The following PRKAG2 variants were observed in gnomAD, a reference collection of about 807,000 sequenced individuals.
PRKAG2 encodes the protein protein kinase AMP-activated non-catalytic subunit gamma 2, also known as 5'-AMP-activated protein kinase subunit gamma-2.
PRKAG2 carries 26 observed loss-of-function variants against 69.6 expected under a neutral mutation model. The ratio of observed to expected loss-of-function variants is 0.37; its 90% CI spans 0.27 to 0.52. The LOEUF (loss-of-function observed/expected upper bound fraction) is 0.52. Among genes scored for constraint, PRKAG2 ranks in the 20% least tolerant of loss-of-function variants. PRKAG2 has a pLI of 0.90. For missense variants in PRKAG2, 557 were observed against 740.0 expected (o/e 0.75, Z 2.87); for synonymous variants, 293 against 285.0 (o/e 1.03, Z -0.28).
At chr7:151,768,920 C>T (rs1283443436) in intron 3 of PRKAG2, among the ~76,000 whole-genome samples, 1 of 152,250 alleles carries the variant, frequency 6.6e-6, no homozygotes, top group East Asian at 1.9e-4. Context: ...TTCTTACCCA[C>T]TCCTAATCCA....
intron 4 of PRKAG2, among the ~76,000 whole-genome samples, chr7:151,653,474 T>C (rs76821171): frequency 1.8e-3 from 267 of 152,292 alleles, no homozygotes; most frequent in African/African-American, 6.0e-3. Flanking sequence ...CTCAGGCTAC[T>C]AGAATCCAAA....
chr7:151,572,075 C>A (rs1309514642), intron 9 of PRKAG2, among the ~76,000 whole-genome samples: 2 of 152,138 alleles, frequency 1.3e-5, no homozygotes, highest in Admixed American at 6.5e-5. Flanking sequence ...TCATGAAATG[C>A]GAATTTAAGA....
At chr7:151,867,376 G>A (rs1030213782) in intron 1 of PRKAG2, among the ~76,000 whole-genome samples, 18 of 152,164 alleles carry the variant, frequency 1.2e-4, no homozygotes, top group South Asian at 4.1e-4. Context: ...CACGCCCTCC[G>A]AAACCTCCGG....
intron 4 of PRKAG2, among the ~76,000 whole-genome samples, chr7:151,668,700 C>A (rs1245758215): frequency 6.6e-6 from 1 of 152,232 alleles, no homozygotes; most frequent in African/African-American, 2.4e-5. Flanking sequence ...GGGCAATTTA[C>A]AGCACCAATC....
At chr7:151,713,968 C>CA (rs1371480416) in intron 3 of PRKAG2, among the ~76,000 whole-genome samples, 1 of 152,146 alleles carries the variant, frequency 6.6e-6, no homozygotes, top group Non-Finnish European at 1.5e-5. Context: ...CACCCCAGAT[C>CA]AAATATATCA....
At chr7:151,633,214 A>C (rs1825115985) in intron 4 of PRKAG2, 1 of 152,142 alleles carries the variant, frequency 6.6e-6, no homozygotes. Context: ...CCAATCCCTA[A>C]GTCTTAAACC....
chr7:151,717,932 G>A (rs1796425071), intron 3 of PRKAG2, among the ~76,000 whole-genome samples: 1 of 152,200 alleles, frequency 6.6e-6, no homozygotes, highest in African/African-American at 2.4e-5. Context: ...GTAGGTGCTT[G>A]TCATTCTTTC....
chr7:151,720,825 GA>G (rs1796960683), intron 3 of PRKAG2, among the ~76,000 whole-genome samples: 1 of 140,758 alleles, frequency 7.1e-6, no homozygotes, highest in Admixed American at 7.2e-5. Context: ...GTTTGGAGGG[GA>G]TAGAGGGGAC....
rs1244610793 is a variant in PRKAG2, at chr7:151,728,411, A to C, written c.466+52741T>G. On this transcript the variant is annotated intron_variant, in intron 3 of 15. Coordinates refer to ENST00000287878, the MANE Select transcript of PRKAG2 (RefSeq NM_016203.4). ...TTGGGTGCCAAGGCTCCCTGGACCCACGCACAAGCCCTGAGTGAGGTCCTG... is the reference window on the plus strand; with the variant it reads ...TTGGGTGCCAAGGCTCCCTGGACCCCCGCACAAGCCCTGAGTGAGGTCCTG... Among the ~76,000 whole-genome samples, 7 of 152,220 alleles carry C rather than the reference A, an allele frequency of 4.6e-5. No homozygotes were observed. The East Asian group carries it at 1.2e-3, about 25-fold the overall frequency.
Position 151,567,120 on chromosome 7 carries a change from C to T in PRKAG2, c.1234-1235G>A, listed in dbSNP as rs979624512. On this transcript the variant is annotated intron_variant, in intron 11 of 15. Coordinates refer to ENST00000287878, the MANE Select transcript of PRKAG2 (RefSeq NM_016203.4). The surrounding 1 kb of genome is among the most constrained non-coding windows in gnomAD (Gnocchi z 4.2). The stretch of plus-strand genomic sequence containing the variant: ...TGGGCTTGGGAGTCAGAGAGACTCC[C>T]GGGTTTGCAATCTACCACTTAGTAT... 5.9e-5 allele frequency among the ~76,000 whole-genome samples: 9 copies of T among 152,140 alleles called. No individual in the cohort carries two copies. The highest frequency in any genetic ancestry group is 3.9e-4 in the Admixed American group (6 of 15,274).
chr7:151,744,908 A>AGG (rs1435044178), intron 3 of PRKAG2, among the ~76,000 whole-genome samples: 59 of 152,208 alleles, frequency 3.9e-4, no homozygotes, highest in Non-Finnish European at 1.0e-4. Context: ...CATTCTTCTC[A>AGG]ACCATGCTGT....
Position 151,814,475 on chromosome 7 carries a change from G to A in PRKAG2, c.115-27934C>T. The A allele has an allele frequency of 8.1e-7, 1 of 1,230,630 alleles. No individual in the cohort carries two copies. The highest frequency in any genetic ancestry group is 1.0e-6 in the Non-Finnish European group (1 of 987,820). The allele number at this position is 1,230,630 out of a possible 1,614,324, so 76.2% of individuals were successfully genotyped here. On this transcript the variant is annotated intron_variant, in intron 1 of 15. Coordinates refer to ENST00000287878, the MANE Select transcript of PRKAG2 (RefSeq NM_016203.4). The surrounding 1 kb of genome is among the most constrained non-coding windows in gnomAD (Gnocchi z 4.8). The stretch of plus-strand genomic sequence containing the variant: ...AGATGCTAATAAGCAGTGCAGGCTT[G>A]TAAGCTGCTGGATGGCAGGATGCGA...
intron 6 of PRKAG2, among the ~76,000 whole-genome samples, chr7:151,588,754 C>T (rs1296617471): frequency 6.6e-6 from 1 of 152,178 alleles, no homozygotes; most frequent in Non-Finnish European, 1.5e-5. Context: ...TTGCCTTCCA[C>T]CATGATTGTG....
chr7:151,691,545 G>C (rs968793257), intron 3 of PRKAG2, among the ~76,000 whole-genome samples: 3 of 148,674 alleles, frequency 2.0e-5, no homozygotes, highest in African/African-American at 7.4e-5. Context: ...AAGATATACA[G>C]ATGACAAATA....
chr7:151,747,426 G>T (rs1018408305), intron 3 of PRKAG2, among the ~76,000 whole-genome samples: 1 of 152,034 alleles, frequency 6.6e-6, no homozygotes, highest in Non-Finnish European at 1.5e-5. Flanking sequence ...GCGTGGTGGC[G>T]GGCGCCTGTA....
chr7:151,861,766 T>A (rs2079932070), intron 1 of PRKAG2, among the ~76,000 whole-genome samples: 1 of 151,910 alleles, frequency 6.6e-6, no homozygotes, highest in Non-Finnish European at 1.5e-5. Flanking sequence ...GGGATTATAT[T>A]CTGTATTTTA....
intron 4 of PRKAG2, among the ~76,000 whole-genome samples, chr7:151,649,312 G>A (rs1828080365): frequency 6.6e-6 from 1 of 152,098 alleles, no homozygotes; most frequent in African/African-American, 2.4e-5. Flanking sequence ...GTTTAGCAGA[G>A]ATGGAGTTTC....
chr7:151,792,143 C>T (rs1463282572), intron 1 of PRKAG2, among the ~76,000 whole-genome samples: 1 of 152,124 alleles, frequency 6.6e-6, no homozygotes, highest in Non-Finnish European at 1.5e-5. Context: ...GCTTTTCTTC[C>T]TAAAACAAGT....
At chr7:151,709,620 ACT>A (rs1479342722) in intron 3 of PRKAG2, among the ~76,000 whole-genome samples, 1 of 152,082 alleles carries the variant, frequency 6.6e-6, no homozygotes, top group Non-Finnish European at 1.5e-5. Context: ...GACGAGTGAC[ACT>A]GACACATGTG....
Sources: gnomAD v4.1 joint callset for allele counts (sites outside exome capture counted in the v4.1 genomes callset) on GRCh38, gnomAD v4.1.1 for gene constraint, Gnocchi (gnomAD v3.1) non-coding constraint, MANE v1.5 for transcripts, NCBI Gene and HGNC (gene_info 2026-07-23, HGNC 2026-07-21) for gene names.